ADARB1: variants seen among roughly 807,000 people sequenced by gnomAD.
ADARB1 encodes the protein double-stranded RNA-specific editase 1.
Under a neutral mutation model 52.4 loss-of-function variants are expected in ADARB1, and 10 were observed. The observed-to-expected ratio is 0.19, with a 90% CI of 0.12 to 0.32. The LOEUF (loss-of-function observed/expected upper bound fraction) is 0.32. ADARB1 is among the 10% of genes least tolerant of loss of function. The pLI, the probability that ADARB1 is intolerant of heterozygous loss-of-function variation, is 1.00. For synonymous variants in ADARB1, 349 were observed against 371.1 expected, an observed-to-expected ratio of 0.94 and a Z score of 0.68; for missense variants, 643 against 922.3, an observed-to-expected ratio of 0.70 and a Z score of 3.92.
intron 9 of ADARB1, among the ~76,000 whole-genome samples, chr21:45,205,976 G>C (rs939398585): frequency 6.6e-6 from 1 of 152,200 alleles, no homozygotes; most frequent in Non-Finnish European, 1.5e-5. Flanking sequence ...AGGAGGCAGG[G>C]ATGGGGAAAA....
At chr21:45,139,762 T>C (rs1222198177) in intron 2 of ADARB1, among the ~76,000 whole-genome samples, 1 of 152,192 alleles carries the variant, frequency 6.6e-6, no homozygotes, top group Non-Finnish European at 1.5e-5. Context: ...TTTTCCAGCT[T>C]ATTCATTCTG....
At chr21:45,098,474 G>A (rs574931701) in intron 1 of ADARB1, among the ~76,000 whole-genome samples, 66 of 152,212 alleles carry the variant, frequency 4.3e-4, no homozygotes, top group South Asian at 2.1e-3. Flanking sequence ...TTATATGACC[G>A]TTGTCTCCCA....
intron 1 of ADARB1, among the ~76,000 whole-genome samples, chr21:45,080,560 G>A (rs972813632): frequency 6.6e-6 from 1 of 152,316 alleles, no homozygotes; most frequent in Middle Eastern, 3.4e-3. Flanking sequence ...TAAAAAGTTC[G>A]GAATCTCACC....
rs868020615 is a variant in ADARB1 at position 45,085,050 on chromosome 21, C to G, written c.-220+10257C>G. On this transcript the variant is annotated intron_variant, in intron 1 of 10. Coordinates refer to ENST00000348831, the MANE Select transcript of ADARB1 (RefSeq NM_001112.4). ...TTACCCTGGGATCATGTGCAGTGAG[C>G]CTGGGCTGCCGGATGCCGCTGGTGG... 2.0e-5 allele frequency among the ~76,000 whole-genome samples: 3 copies of G among 152,200 alleles called. No individual in the cohort carries two copies. The South Asian group carries it at 6.2e-4, about 32-fold the overall frequency.
At chr21:45,151,855 C>T (rs1409955083) in intron 2 of ADARB1, among the ~76,000 whole-genome samples, 1 of 152,194 alleles carries the variant, frequency 6.6e-6, no homozygotes, top group African/African-American at 2.4e-5. Flanking sequence ...ACTGGCTGTG[C>T]TGATCAAGCC....
At chr21:45,129,789 G>A (rs546673181) in intron 2 of ADARB1, among the ~76,000 whole-genome samples, 5 of 152,294 alleles carry the variant, frequency 3.3e-5, no homozygotes, top group Admixed American at 1.3e-4. Flanking sequence ...TAGGGGGGAC[G>A]CCGTCTTTGG....
At chr21:45,130,725 A>C (rs902478988) in intron 2 of ADARB1, among the ~76,000 whole-genome samples, 1 of 152,168 alleles carries the variant, frequency 6.6e-6, no homozygotes, top group Non-Finnish European at 1.5e-5. Flanking sequence ...GTGTAGCCAC[A>C]GGTCGCACTG....
At chr21:45,121,011 G>A (rs973209047) in intron 1 of ADARB1, 1 of 152,102 alleles carries the variant, frequency 6.6e-6, no homozygotes, top group African/African-American at 2.4e-5. Context: ...TATGTCCCTG[G>A]ATTTAAATAT....
At chr21:45,133,610 A>G in intron 2 of ADARB1, 3 of 214,574 alleles carry the variant, frequency 1.4e-5, no homozygotes, top group Admixed American at 5.8e-5. Context: ...CCCCAGGGGC[A>G]GGATGCTAAC....
In ADARB1 at chr21:45,204,173, A is replaced by G. The variant is rs1453297381; in HGVS notation, c.1566-382A>G. Among the ~76,000 whole-genome samples, 1 of 152,210 alleles carries G rather than the reference A, an allele frequency of 6.6e-6. No individual in the cohort carries two copies. Among genetic ancestry groups the G allele is most frequent in the Non-Finnish European group, 1.5e-5 (1 of 68,034 alleles). On this transcript the variant is annotated intron_variant, in intron 8 of 10. Coordinates refer to ENST00000348831, the MANE Select transcript of ADARB1 (RefSeq NM_001112.4). The surrounding 1 kb of genome is among the most constrained non-coding windows in gnomAD (Gnocchi z 4.4). ...GTTTATTTCTGGAATTTTTCATTTA[A>G]TATCTTCAGATCACGGTTGACAGTG... is the stretch of plus-strand genomic sequence containing the variant.
In ADARB1 at chr21:45,224,109, T is replaced by G. The variant is rs1602095616; in HGVS notation, c.*1912T>G. On this transcript the variant is annotated 3_prime_UTR_variant, in exon 11 of 11. Transcript: ENST00000348831. ...TCTTGCACACTCTAGAAAAAACACC[T>G]TGTAAGTCTGTGCATTTTTATTGTC... 1.0e-6 allele frequency: 1 copy of G among 985,438 alleles called. No homozygotes were observed. The highest frequency in any genetic ancestry group is 1.1e-4 in the East Asian group (1 of 8,808). The allele number at this position is 985,438 out of a possible 1,614,324, so 61.0% of individuals were successfully genotyped here.
At chr21:45,115,074 C>T (rs2087755244) in intron 1 of ADARB1, among the ~76,000 whole-genome samples, 1 of 134,250 alleles carries the variant, frequency 7.4e-6, no homozygotes, top group Admixed American at 8.0e-5. Flanking sequence ...GCTTTGTGAG[C>T]CTCTTGCTTT....
chr21:45,107,507 A>G (rs891421554), intron 1 of ADARB1, among the ~76,000 whole-genome samples: 2 of 152,222 alleles, frequency 1.3e-5, no homozygotes, highest in African/African-American at 2.4e-5. Context: ...TGCATGAAGA[A>G]CCAGACAGAC....
chr21:45,156,933 T>G (rs558493688), intron 2 of ADARB1, among the ~76,000 whole-genome samples: 139 of 152,278 alleles, frequency 9.1e-4, no homozygotes, highest in African/African-American at 3.3e-3. Context: ...AGGGATATTC[T>G]CCAGTATCTG....
Position 45,113,270 on chromosome 21 carries a change from A to G in ADARB1, c.-219-15132A>G, listed in dbSNP as rs561917818. On this transcript the variant is annotated intron_variant, in intron 1 of 10. Transcript: ENST00000348831. ...AAACCCCATCTCTACTAATAATACA[A>G]AAATTAGCCAGGCGTGGTGTTGCAC... Among the ~76,000 whole-genome samples, 5 of 152,108 alleles carry G rather than the reference A, an allele frequency of 3.3e-5. No individual in the cohort carries two copies. In the East Asian group the frequency reaches 7.8e-4, roughly 24 times the overall value.
chr21:45,225,625 C>G lies in ADARB1; in HGVS notation c.*3428C>G. The G allele has an allele frequency of 8.0e-7, 1 of 1,246,782 alleles. No homozygotes were observed. The allele number at this position is 1,246,782 out of a possible 1,614,324, so 77.2% of individuals were successfully genotyped here. On this transcript the variant is annotated 3_prime_UTR_variant, in exon 11 of 11. Transcript: ENST00000348831. ...GGGATTAGCGAAGCTGTGGAGACTG[C>G]ACATCCGGACCTGCCCATGTCTCAA...
At chr21:45,123,274 C>T (rs923211672) in intron 1 of ADARB1, among the ~76,000 whole-genome samples, 17 of 149,094 alleles carry the variant, frequency 1.1e-4, no homozygotes, top group African/African-American at 3.0e-4. Flanking sequence ...ATATATACTA[C>T]GTGTGTGTGT....
chr21:45,219,030 C>A (rs1386312240), intron 9 of ADARB1, among the ~76,000 whole-genome samples: 1 of 152,080 alleles, frequency 6.6e-6, no homozygotes, highest in Non-Finnish European at 1.5e-5. Flanking sequence ...AACTTTCAAC[C>A]CTGCAGAATT....
chr21:45,131,477 G>C (rs898397214), intron 2 of ADARB1, among the ~76,000 whole-genome samples: 2 of 152,228 alleles, frequency 1.3e-5, no homozygotes. Flanking sequence ...CTTTCCACCT[G>C]CATGGAAGTC....
Sources: allele counts gnomAD v4.1 joint callset (sites outside exome capture counted in the v4.1 genomes callset), GRCh38; gene constraint gnomAD v4.1.1; non-coding constraint Gnocchi (gnomAD v3.1); transcripts MANE v1.5; gene names NCBI Gene and HGNC (gene_info 2026-07-23, HGNC 2026-07-21).